HNF4G: variants seen among roughly 807,000 people sequenced by gnomAD.
HNF4G encodes the protein hepatocyte nuclear factor 4-gamma.
HNF4G carries 21 observed loss-of-function variants against 50.9 expected under a neutral mutation model. That is an observed-to-expected ratio of 0.41 (90% CI 0.29 to 0.59). The LOEUF is 0.59. Among genes scored for constraint, HNF4G ranks in the 20% least tolerant of loss-of-function variants. The pLI is 0.26. For synonymous variants in HNF4G, 198 were observed against 185.6 expected (o/e 1.07, Z -0.54); for missense variants, 527 against 559.4 (o/e 0.94, Z 0.58).
At chr8:75,451,230 G>A (rs1394254739) in intron 1 of HNF4G, among the ~76,000 whole-genome samples, 1 of 151,728 alleles carries the variant, frequency 6.6e-6, no homozygotes, top group African/African-American at 2.4e-5. Flanking sequence ...TGAGTTGTTT[G>A]AGTTCCTTAC....
chr8:75,491,003 A>G (rs1812616932), intron 2 of HNF4G, among the ~76,000 whole-genome samples: 1 of 152,182 alleles, frequency 6.6e-6, no homozygotes, highest in African/African-American at 2.4e-5. Flanking sequence ...TTGGAAATCC[A>G]AGAAGCTACT....
At position 75,556,002 on chromosome 8, in the gene HNF4G, C is replaced by T. The variant is rs778422786; in HGVS notation, c.666C>T (p.His222=). ...TTAAGGTGGCACTGTTGAGAGCTCA[C>T]GCAGGGGAGCACTTACTGCTTGGAG... ...LDDQVALLRA[H]AGEHLLLGAT... is the part of the protein sequence containing the mutation. Residue 222 remains histidine (H), a synonymous_variant, in exon 6 of 10, where the codon CAC becomes CAT. Transcript: ENST00000396423. The T allele has an allele frequency of 1.6e-5, 26 of 1,576,058 alleles. No individual in the cohort carries two copies. The highest frequency in any genetic ancestry group is 7.0e-5 in the Admixed American group (4 of 57,462).
intron 2 of HNF4G, among the ~76,000 whole-genome samples, chr8:75,530,506 C>A (rs1162279450): frequency 6.6e-6 from 1 of 151,438 alleles, no homozygotes; most frequent in Non-Finnish European, 1.5e-5. Context: ...AGGTACCAAA[C>A]TGACATTTAG....
chr8:75,516,031 CG>C (rs1805881531), intron 2 of HNF4G, among the ~76,000 whole-genome samples: 2 of 152,106 alleles, frequency 1.3e-5, no homozygotes, highest in South Asian at 4.1e-4. Context: ...CCCAAAGTGC[CG>C]GGATTACAGG....
chr8:75,472,682 A>C (rs2125921), intron 1 of HNF4G, among the ~76,000 whole-genome samples: 1 of 152,322 alleles, frequency 6.6e-6, no homozygotes, highest in African/African-American at 2.4e-5. Flanking sequence ...AGTATGATAT[A>C]ACAATGAAAT....
intron 1 of HNF4G, among the ~76,000 whole-genome samples, chr8:75,470,466 C>A (rs890516013): frequency 6.6e-6 from 1 of 152,124 alleles, no homozygotes; most frequent in Non-Finnish European, 1.5e-5. Context: ...TCTCCCCCCA[C>A]AGATTGTTCA....
At chr8:75,547,560 G>A (rs777110826) in intron 2 of HNF4G, 27 bp from the exon 3 acceptor site, 2 of 1,439,256 alleles carry the variant, frequency 1.4e-6, no homozygotes, top group African/African-American at 1.4e-5. Flanking sequence ...ATAGTTTTCT[G>A]CAAACTGATA....
At chr8:75,424,943 T>C (rs1810856992) in intron 1 of HNF4G, among the ~76,000 whole-genome samples, 1 of 152,094 alleles carries the variant, frequency 6.6e-6, no homozygotes, top group Non-Finnish European at 1.5e-5. Flanking sequence ...GGGAGTTCTA[T>C]TTTTAGTGCT....
At chr8:75,552,277 G>A (rs1045823639) in intron 4 of HNF4G, among the ~76,000 whole-genome samples, 2 of 152,024 alleles carry the variant, frequency 1.3e-5, no homozygotes, top group African/African-American at 4.8e-5. Flanking sequence ...TGCTTGATGG[G>A]CAATAAAGCT....
At chr8:75,555,763 T>A (rs2130808653) in intron 5 of HNF4G, among the ~76,000 whole-genome samples, 1 of 152,046 alleles carries the variant, frequency 6.6e-6, no homozygotes, top group African/African-American at 2.4e-5. Flanking sequence ...GCCATTGTAT[T>A]GATTTGCTAG....
intron 1 of HNF4G, among the ~76,000 whole-genome samples, chr8:75,435,721 G>A (rs1811119228): frequency 6.6e-6 from 1 of 152,126 alleles, no homozygotes. Context: ...AGCCTCCCAA[G>A]AAGCTGGGAT....
At chr8:75,543,332 G>A (rs1365905753) in intron 1 of HNF4G, among the ~76,000 whole-genome samples, 1 of 152,164 alleles carries the variant, frequency 6.6e-6, no homozygotes, top group Non-Finnish European at 1.5e-5. Context: ...AAACTGGATG[G>A]ATCCATTGAC....
chr8:75,427,591 T>TAAATA lies in HNF4G; in HGVS notation c.-144+19442_-144+19446dup, dbSNP rs1051481273. On this transcript the variant is annotated intron_variant, in intron 1 of 10. Coordinates refer to the HNF4G transcript ENST00000354370. ...GACCCTGTCTCAAAAAAAAATAAAA[T>TAAATA]AAATAAAATAAAATAAAGACTATCT... 3.3e-5 allele frequency among the ~76,000 whole-genome samples: 5 copies of TAAATA among 151,354 alleles called. No individual in the cohort carries two copies. In the East Asian group the frequency reaches 7.7e-4, roughly 23 times the overall value.
At chr8:75,490,498 C>T (rs1437762555) in intron 2 of HNF4G, among the ~76,000 whole-genome samples, 3 of 152,068 alleles carry the variant, frequency 2.0e-5, no homozygotes, top group Non-Finnish European at 4.4e-5. Flanking sequence ...CGTTTGGAGC[C>T]TGGCACTGGG....
intron 4 of HNF4G, among the ~76,000 whole-genome samples, chr8:75,552,577 T>C (rs1433731729): frequency 6.6e-6 from 1 of 152,138 alleles, no homozygotes; most frequent in African/African-American, 2.4e-5. Context: ...AAATAGTTCT[T>C]GCTTCTTGTC....
intron 1 of HNF4G, among the ~76,000 whole-genome samples, chr8:75,440,149 T>C (rs903572251): frequency 1.3e-5 from 2 of 152,208 alleles, no homozygotes; most frequent in African/African-American, 4.8e-5. Context: ...ATCAATGACA[T>C]TGAGAAAATA....
chr8:75,513,862 G>T (rs1430314728), intron 2 of HNF4G, among the ~76,000 whole-genome samples: 1 of 151,022 alleles, frequency 6.6e-6, no homozygotes, highest in Non-Finnish European at 1.5e-5. Context: ...TTTATTTAGA[G>T]AATGTGATCT....
intron 1 of HNF4G, among the ~76,000 whole-genome samples, chr8:75,431,867 A>T (rs146787268): frequency 0.048 from 7,221 of 151,988 alleles, 188 homozygotes; most frequent in Middle Eastern, 0.065. Flanking sequence ...CAGAGTTTGC[A>T]GTGAGCCAAG....
chr8:75,413,293 G>A (rs1810545191), intron 1 of HNF4G, among the ~76,000 whole-genome samples: 1 of 134,898 alleles, frequency 7.4e-6, no homozygotes, highest in African/African-American at 2.7e-5. Context: ...GAGGAGAGGA[G>A]GACAGGAGAG....
Sources: gnomAD v4.1 joint callset for allele counts (sites outside exome capture counted in the v4.1 genomes callset) on GRCh38, gnomAD v4.1.1 for gene constraint, MANE v1.5 for transcripts, NCBI Gene and HGNC (gene_info 2026-07-23, HGNC 2026-07-21) for gene names.